Variants in EXOC7 observed in about 807,000 individuals in gnomAD.
EXOC7 encodes exocyst complex component 7.
In EXOC7, 51 loss-of-function variants were observed where a neutral mutation model predicts 87.6. That is an observed-to-expected ratio of 0.58 (90% CI 0.46 to 0.73). The LOEUF is 0.73. EXOC7 is among the 30% of genes least tolerant of loss of function. EXOC7 has a pLI of 0.00. For synonymous variants in EXOC7, 327 were observed against 357.1 expected (o/e 0.92, Z 0.95); for missense variants, 744 against 888.4 (o/e 0.84, Z 2.07).
In EXOC7 at chr17:76,083,475, G is replaced by T. The variant is rs2067068223; in HGVS notation, c.*173C>A. 1 of 636,850 alleles carries T rather than the reference G, an allele frequency of 1.6e-6. No individual in the cohort carries two copies. 39.4% of individuals were successfully genotyped at this position (636,850 alleles called of 1,614,324 possible). A position where few individuals can be genotyped will look rare whatever the true frequency, so the allele number is the denominator to read the frequency against. On this transcript the variant is annotated 3_prime_UTR_variant, in exon 19 of 19. Coordinates refer to ENST00000589210, the MANE Select transcript of EXOC7 (RefSeq NM_001013839.4). Reference sequence around the variant, plus strand: ...GTTCGGCTGGGAACACGGGCTGTGGGGAAAAAGCAGGAGCCAGGACTAGGG... The same window carrying T: ...GTTCGGCTGGGAACACGGGCTGTGGTGAAAAAGCAGGAGCCAGGACTAGGG...
chr17:76,085,942 G>A, intron 13 of EXOC7, 138 bp downstream of exon 13: 2 of 1,511,490 alleles, frequency 1.3e-6, no homozygotes, highest in Non-Finnish European at 1.8e-6. Flanking sequence ...CTCTGAACTA[G>A]AGGTCAGGTT....
At position 76,083,408 on chromosome 17, in the gene EXOC7, AG is replaced by A. The variant is rs1427750491; in HGVS notation, c.*239del. ...TTTCAGAAGCCATCAGGGTCATAAA[AG>A]CCAAGGTGTGGAGGGACCCCAGGCT... is the stretch of plus-strand genomic sequence containing the variant. On this transcript the variant is annotated 3_prime_UTR_variant, in exon 19 of 19. Coordinates refer to ENST00000589210, the MANE Select transcript of EXOC7 (RefSeq NM_001013839.4). 7.5e-6 allele frequency: 4 copies of A among 532,368 alleles called. No homozygotes were observed. The African/African-American group carries it at 7.7e-5, about 10-fold the overall frequency. 33.0% of individuals were successfully genotyped at this position (532,368 alleles called of 1,614,324 possible).
chr17:76,087,571 C>T, intron 12 of EXOC7, 83 bp downstream of exon 12: 3 of 1,376,916 alleles, frequency 2.2e-6, no homozygotes, highest in Non-Finnish European at 3.0e-6. Context: ...GAGATACCTC[C>T]TCACTGCTAC....
At chr17:76,089,364 C>T in intron 7 of EXOC7, 44 bp from the exon 8 acceptor site, 1 of 1,605,822 alleles carries the variant, frequency 6.2e-7, no homozygotes, top group South Asian at 1.1e-5. Flanking sequence ...TGGGGCCAGC[C>T]ACACTCCTGG....
chr17:76,097,728 A>AT, intron 5 of EXOC7, 68 bp downstream of exon 5: 3 of 962,388 alleles, frequency 3.1e-6, no homozygotes, highest in East Asian at 2.7e-5. Context: ...AAAAAAAAAA[A>AT]AAAGAACAAA....
At chr17:76,084,222 G>T (rs2067104169) in intron 17 of EXOC7, 26 bp downstream of exon 17, 1 of 1,608,810 alleles carries the variant, frequency 6.2e-7, no homozygotes, top group African/African-American at 1.3e-5. Context: ...GCAGCAAGCA[G>T]TGGAGGGGAG....
intron 14 of EXOC7, 122 bp downstream of exon 14, chr17:76,085,555 A>T: frequency 6.5e-7 from 1 of 1,534,160 alleles, no homozygotes; most frequent in African/African-American, 1.4e-5. Flanking sequence ...GGGGTGGAGG[A>T]GACTGAAGCA....
At chr17:76,088,432 G>C in intron 10 of EXOC7, 32 bp downstream of exon 10, 1 of 1,595,474 alleles carries the variant, frequency 6.3e-7, no homozygotes, top group Non-Finnish European at 8.6e-7. Flanking sequence ...GCTGGGCCGG[G>C]AGGGAGGGAG....
intron 7 of EXOC7, 127 bp from the exon 8 acceptor site, chr17:76,089,447 G>C: frequency 8.0e-7 from 1 of 1,242,752 alleles, no homozygotes; most frequent in East Asian, 2.5e-5. Flanking sequence ...GAGGCTGACT[G>C]TTCTGGCAGA....
chr17:76,085,873 C>A (rs1206381818), intron 13 of EXOC7, 76 bp from the exon 14 acceptor site: 1 of 1,566,756 alleles, frequency 6.4e-7, no homozygotes, highest in East Asian at 2.3e-5. Context: ...CCCGCGAACG[C>A]GCTCCTATCC....
intron 6 of EXOC7, chr17:76,093,192 A>G (rs1363986345): frequency 6.6e-6 from 1 of 152,330 alleles, no homozygotes; most frequent in Non-Finnish European, 1.5e-5. Flanking sequence ...AGAGACAGCC[A>G]CTCCCCACCA....
chr17:76,088,320 C>A, intron 10 of EXOC7, 144 bp downstream of exon 10: 1 of 952,728 alleles, frequency 1.0e-6, no homozygotes, highest in Non-Finnish European at 1.6e-6. Context: ...GAAAGGAAGG[C>A]ACATGGGTGC....
In EXOC7 at chr17:76,101,307, C is replaced by T. The variant is rs200907005; in HGVS notation, c.381G>A (p.Gln127=). Residue 127 remains glutamine, a synonymous_variant, in exon 4 of 19, where the codon CAG becomes CAA. Coordinates refer to ENST00000589210, the MANE Select transcript of EXOC7 (RefSeq NM_001013839.4). Reference sequence around the variant, plus strand: ...GTTCCGGGCTGTCTGGGCTGTTGTCCTGGAAATACTCCACTGCCTTCTGAA... The same window carrying T: ...GTTCCGGGCTGTCTGGGCTGTTGTCTTGGAAATACTCCACTGCCTTCTGAA... The part of the protein sequence containing the change: ...AKIQKAVEYF[Q]DNSPDSPELN... The T allele has an allele frequency of 4.3e-6, 7 of 1,614,072 alleles. No individual in the cohort carries two copies. The East Asian group carries it at 1.3e-4, about 31-fold the overall frequency.
chr17:76,096,910 C>A (rs913088295), intron 5 of EXOC7, among the ~76,000 whole-genome samples: 4 of 151,980 alleles, frequency 2.6e-5, no homozygotes, highest in African/African-American at 4.8e-5. Flanking sequence ...AGTACAGTGG[C>A]GTGATCTTAG....
chr17:76,090,252 A>G (rs2144634192), intron 7 of EXOC7: 1 of 1,485,678 alleles, frequency 6.7e-7, no homozygotes, highest in Non-Finnish European at 9.0e-7. Flanking sequence ...CAGCTGGGCC[A>G]GGCAGGAGCA....
chr17:76,101,857 T>C lies in EXOC7; in HGVS notation c.133A>G (p.Ile45Val). ...AGGCGGCTCTCAAAGGATGATAAGA[T>C]AGACACCTGCGGGAGGGAAGCCTCT... ...SDQLTKNMVS[I>V]LSSFESRLMK... Residue 45 changes from isoleucine to valine, a missense_variant, in exon 3 of 19, where the codon ATC becomes GTC. Ile to Val is a conservative substitution (Grantham distance 29). Coordinates refer to ENST00000589210, the MANE Select transcript of EXOC7 (RefSeq NM_001013839.4). 6.2e-7 allele frequency: 1 copy of C among 1,611,764 alleles called. No homozygotes were observed. Among genetic ancestry groups the C allele is most frequent in the Non-Finnish European group, 8.5e-7 (1 of 1,178,764 alleles).
Position 76,082,354 on chromosome 17 carries a change from G to A in EXOC7, c.*1294C>T. 1 of 1,209,706 alleles carries A rather than the reference G, an allele frequency of 8.3e-7. No individual in the cohort carries two copies. The highest frequency in any genetic ancestry group is 1.2e-6 in the Non-Finnish European group (1 of 869,468). 74.9% of individuals were successfully genotyped at this position (1,209,706 alleles called of 1,614,324 possible). ...CCAGACCCAAATTTTCATCAGCTGAGAATCTAAGAAAGGAAGCGATACAGG... is the reference window on the plus strand; with the variant it reads ...CCAGACCCAAATTTTCATCAGCTGAAAATCTAAGAAAGGAAGCGATACAGG... On this transcript the variant is annotated 3_prime_UTR_variant, in exon 19 of 19. Coordinates refer to ENST00000589210, the MANE Select transcript of EXOC7 (RefSeq NM_001013839.4).
intron 14 of EXOC7, 103 bp from the exon 15 acceptor site, chr17:76,085,512 A>G (rs1031989065): frequency 2.5e-5 from 37 of 1,505,726 alleles, no homozygotes; most frequent in Non-Finnish European, 3.3e-5. Context: ...CCCAAACTCC[A>G]CAAGCTCTAT....
chr17:76,082,845 A>T lies in EXOC7; in HGVS notation c.*803T>A, dbSNP rs1463484549. The T allele has an allele frequency of 2.1e-6, 1 of 484,630 alleles. No homozygotes were observed. The highest frequency in any genetic ancestry group is 3.4e-6 in the Non-Finnish European group (1 of 296,354). The allele number at this position is 484,630 out of a possible 1,614,324, so 30.0% of individuals were successfully genotyped here. On this transcript the variant is annotated 3_prime_UTR_variant, in exon 19 of 19. Coordinates refer to ENST00000589210, the MANE Select transcript of EXOC7 (RefSeq NM_001013839.4). ...GTCAGTCTTCAATCTCGTCCTAAAT[A>T]GGTGGGGCCCTATTTTTTGCTTCCA...
Sources: allele counts gnomAD v4.1 joint callset (sites outside exome capture counted in the v4.1 genomes callset), GRCh38; gene constraint gnomAD v4.1.1; transcripts MANE v1.5; gene names NCBI Gene and HGNC (gene_info 2026-07-23, HGNC 2026-07-21).